MOB3B: variants seen among roughly 807,000 people sequenced by gnomAD.
MOB3B encodes the protein MOB kinase activator 3B.
Under a neutral mutation model 18.7 loss-of-function variants are expected in MOB3B, and 7 were observed. The observed-to-expected ratio is 0.37, with a 90% confidence interval of 0.21 to 0.70. MOB3B has a LOEUF of 0.70. Ranked by LOEUF, MOB3B falls within the 30% of genes least tolerant of loss-of-function variation. The pLI is 0.52. For missense variants in MOB3B, 253 were observed against 281.3 expected (o/e 0.90, Z 0.72); for synonymous variants, 111 against 99.9 (o/e 1.11, Z -0.66).
At chr9:27,526,067 G>A (rs995739047) in intron 1 of MOB3B, 2 of 152,178 alleles carry the variant, frequency 1.3e-5, no homozygotes, top group Non-Finnish European at 2.9e-5. Flanking sequence ...CACCAAAAAA[G>A]GGTGAAATAT....
intron 1 of MOB3B, among the ~76,000 whole-genome samples, chr9:27,498,802 A>C (rs1031154): frequency 0.89 from 134,861 of 152,206 alleles, 60,785 homozygotes; most frequent in East Asian, 0.99. Flanking sequence ...GCTGGATCTT[A>C]TGATTCTTTA....
chr9:27,331,494 T>C (rs1336610971), intron 3 of MOB3B, among the ~76,000 whole-genome samples: 2 of 152,290 alleles, frequency 1.3e-5, no homozygotes, highest in African/African-American at 2.4e-5. Flanking sequence ...GTACTGGGGC[T>C]CTGGACATGT....
At chr9:27,339,171 C>T (rs2131336665) in intron 3 of MOB3B, among the ~76,000 whole-genome samples, 1 of 152,302 alleles carries the variant, frequency 6.6e-6, no homozygotes, top group South Asian at 2.1e-4. Context: ...AGCTTCCTGC[C>T]TGGAAGCTTG....
chr9:27,520,265 C>A (rs989275362), intron 1 of MOB3B, among the ~76,000 whole-genome samples: 2 of 152,184 alleles, frequency 1.3e-5, no homozygotes, highest in African/African-American at 4.8e-5. Context: ...CACATAGACA[C>A]CACACAATTC....
At chr9:27,376,435 C>T (rs957183497) in intron 2 of MOB3B, among the ~76,000 whole-genome samples, 3 of 152,100 alleles carry the variant, frequency 2.0e-5, no homozygotes, top group African/African-American at 4.8e-5. Context: ...TGTTGGTACC[C>T]GTTGCACACA....
intron 2 of MOB3B, among the ~76,000 whole-genome samples, chr9:27,371,851 A>C (rs1255522443): frequency 6.6e-6 from 1 of 152,124 alleles, no homozygotes; most frequent in Non-Finnish European, 1.5e-5. Context: ...AGATTCTTAC[A>C]TGAAACCTCC....
At chr9:27,417,833 C>A (rs553192316) in intron 2 of MOB3B, among the ~76,000 whole-genome samples, 2 of 151,998 alleles carry the variant, frequency 1.3e-5, no homozygotes, top group African/African-American at 4.8e-5. Context: ...GAGGTCGGGG[C>A]CGGTGGATCA....
At chr9:27,496,749 T>C (rs1343023386) in intron 1 of MOB3B, among the ~76,000 whole-genome samples, 2 of 152,232 alleles carry the variant, frequency 1.3e-5, no homozygotes, top group African/African-American at 4.8e-5. Context: ...AAACTCTCCC[T>C]GGGCTTCTGA....
chr9:27,424,467 C>T (rs1822298668), intron 2 of MOB3B, among the ~76,000 whole-genome samples: 1 of 152,190 alleles, frequency 6.6e-6, no homozygotes, highest in African/African-American at 2.4e-5. Context: ...TGCTTTCCTT[C>T]TCCCATTTAC....
At chr9:27,383,022 GA>G in intron 2 of MOB3B, among the ~76,000 whole-genome samples, 1 of 152,282 alleles carries the variant, frequency 6.6e-6, no homozygotes, top group Non-Finnish European at 1.5e-5. Context: ...GTTTAGCAGG[GA>G]AAAGAATGTG....
At chr9:27,481,074 A>G (rs1819641585) in intron 1 of MOB3B, among the ~76,000 whole-genome samples, 1 of 152,186 alleles carries the variant, frequency 6.6e-6, no homozygotes, top group Non-Finnish European at 1.5e-5. Flanking sequence ...TAAGTTAAAG[A>G]CGCATGCTAT....
chr9:27,411,416 A>C (rs1822065460), intron 2 of MOB3B, among the ~76,000 whole-genome samples: 1 of 152,242 alleles, frequency 6.6e-6, no homozygotes, highest in Admixed American at 6.5e-5. Context: ...TTGGGATTAC[A>C]GTGTGAAGAT....
intron 1 of MOB3B, among the ~76,000 whole-genome samples, chr9:27,469,809 G>A (rs956095357): frequency 1.3e-5 from 2 of 152,032 alleles, no homozygotes; most frequent in African/African-American, 4.8e-5. Context: ...TTTCGTGCCA[G>A]GCGTGGTAGC....
chr9:27,355,162 C>T (rs528033265), intron 3 of MOB3B, among the ~76,000 whole-genome samples: 27 of 152,250 alleles, frequency 1.8e-4, no homozygotes, highest in African/African-American at 6.5e-4. Flanking sequence ...TGCATGGATC[C>T]TCAGCACAAC....
chr9:27,452,878 G>A (rs1822811803), intron 2 of MOB3B, among the ~76,000 whole-genome samples: 1 of 152,212 alleles, frequency 6.6e-6, no homozygotes. Context: ...GAGGTATAGA[G>A]AGGGCGTTAG....
intron 2 of MOB3B, among the ~76,000 whole-genome samples, chr9:27,442,318 C>T (rs543625702): frequency 1.3e-5 from 2 of 152,306 alleles, no homozygotes; most frequent in South Asian, 4.1e-4. Context: ...TTATTTAAAT[C>T]TTACAGCATC....
chr9:27,347,241 A>G (rs1421835518), intron 3 of MOB3B, among the ~76,000 whole-genome samples: 2 of 152,260 alleles, frequency 1.3e-5, no homozygotes, highest in East Asian at 3.8e-4. Context: ...ACTAGGTTCC[A>G]GCTTCACCCA....
chr9:27,422,880 A>G (rs1199020767), intron 2 of MOB3B, among the ~76,000 whole-genome samples: 1 of 152,262 alleles, frequency 6.6e-6, no homozygotes, highest in Admixed American at 6.5e-5. Context: ...TCCTGAATCT[A>G]GACAGAAAAA....
intron 1 of MOB3B, among the ~76,000 whole-genome samples, chr9:27,509,727 T>A (rs369627435): frequency 6.6e-6 from 1 of 151,760 alleles, no homozygotes; most frequent in Non-Finnish European, 1.5e-5. Context: ...TGTTTTTTGT[T>A]TTTTTGGAGG....
Sources: allele counts gnomAD v4.1 joint callset (sites outside exome capture counted in the v4.1 genomes callset), GRCh38; gene constraint gnomAD v4.1.1; transcripts MANE v1.5; gene names NCBI Gene and HGNC (gene_info 2026-07-23, HGNC 2026-07-21).